PPP2R2C: variants seen among roughly 807,000 people sequenced by gnomAD.
PPP2R2C encodes protein phosphatase 2 regulatory subunit Bgamma.
PPP2R2C carries 10 observed loss-of-function variants against 45.3 expected under a neutral mutation model. That is an observed-to-expected ratio of 0.22 (90% CI 0.14 to 0.37). The LOEUF (loss-of-function observed/expected upper bound fraction) is 0.37, where lower values mean the gene tolerates loss of function less well. Among genes scored for constraint, PPP2R2C ranks in the 10% least tolerant of loss-of-function variants. PPP2R2C has a pLI of 1.00. For missense variants in PPP2R2C, 308 were observed against 619.7 expected (o/e 0.50, Z 5.34); for synonymous variants, 257 against 245.4 (o/e 1.05, Z -0.44).
chr4:6,354,102 G>T (rs899870154), intron 5 of PPP2R2C, among the ~76,000 whole-genome samples: 1 of 150,408 alleles, frequency 6.6e-6, no homozygotes, highest in African/African-American at 2.5e-5. Flanking sequence ...AACCCCTTGC[G>T]CTCTGCCCCT....
chr4:6,323,651 T>G, intron 8 of PPP2R2C, 58 bp from the exon 9 acceptor site: 8 of 1,439,616 alleles, frequency 5.6e-6, no homozygotes, highest in Non-Finnish European at 6.4e-6. Flanking sequence ...TCTCGAGAAA[T>G]AAGCCCAGGT....
intron 2 of PPP2R2C, among the ~76,000 whole-genome samples, chr4:6,512,146 G>A (rs1485475647): frequency 6.8e-5 from 5 of 73,402 alleles, no homozygotes; most frequent in Non-Finnish European, 1.3e-4. Flanking sequence ...GATTATGGTG[G>A]TAGTGGTGAT....
intron 1 of PPP2R2C, among the ~76,000 whole-genome samples, chr4:6,469,725 T>C (rs1467250900): frequency 6.6e-6 from 1 of 152,226 alleles, no homozygotes; most frequent in Non-Finnish European, 1.5e-5. Context: ...ATGATTCAAG[T>C]CTGACATTCT....
At chr4:6,411,857 C>A (rs1204719350) in intron 1 of PPP2R2C, among the ~76,000 whole-genome samples, 1 of 152,252 alleles carries the variant, frequency 6.6e-6, no homozygotes, top group African/African-American at 2.4e-5. Flanking sequence ...CGGCCTCCAC[C>A]CTGACTTTTC....
chr4:6,494,945 A>T (rs187983981), intron 2 of PPP2R2C, among the ~76,000 whole-genome samples: 40 of 152,318 alleles, frequency 2.6e-4, no homozygotes, highest in Admixed American at 2.1e-3. Flanking sequence ...TGGCCCAGGA[A>T]CATACTGTTG....
chr4:6,474,365 G>T (rs1722061731), upstream of PPP2R2C, among the ~76,000 whole-genome samples: 2 of 152,208 alleles, frequency 1.3e-5, no homozygotes, highest in Admixed American at 1.3e-4. Flanking sequence ...TGTGATGGCA[G>T]GAGTGGCCCC....
chr4:6,361,150 C>G (rs147610061), intron 5 of PPP2R2C, among the ~76,000 whole-genome samples: 4 of 152,276 alleles, frequency 2.6e-5, no homozygotes, highest in African/African-American at 9.6e-5. Flanking sequence ...TTTCCTTCTC[C>G]ACTCGGAACA....
chr4:6,376,776 T>C (rs1251827868), intron 3 of PPP2R2C, among the ~76,000 whole-genome samples: 1 of 152,170 alleles, frequency 6.6e-6, no homozygotes, highest in African/African-American at 2.4e-5. Context: ...TTAAATATTT[T>C]CAAAAGGAGC....
chr4:6,450,495 C>T (rs1403433329), intron 1 of PPP2R2C, among the ~76,000 whole-genome samples: 1 of 152,124 alleles, frequency 6.6e-6, no homozygotes, highest in Non-Finnish European at 1.5e-5. Context: ...GGAAGATGAG[C>T]CGCATGGTGG....
chr4:6,523,655 G>C, intron 2 of PPP2R2C: 1 of 152,190 alleles, frequency 6.6e-6, no homozygotes, highest in East Asian at 1.9e-4. Context: ...AAAAAGCTTG[G>C]TACCGCCGCA....
chr4:6,458,153 TTTCACATCTC>T (rs1721138039), intron 1 of PPP2R2C, among the ~76,000 whole-genome samples: 2 of 152,356 alleles, frequency 1.3e-5, no homozygotes, highest in Admixed American at 1.3e-4. Context: ...CATTAACATC[TTTCACATCTC>T]TGCTGAGCAT....
chr4:6,382,223 G>C (rs1281392594), intron 1 of PPP2R2C: 2 of 1,206,864 alleles, frequency 1.7e-6, no homozygotes, highest in Non-Finnish European at 2.1e-6. Flanking sequence ...AGCAGCAAAA[G>C]CTAGTAGGAG....
At chr4:6,409,345 T>C (rs1217732660) in intron 1 of PPP2R2C, among the ~76,000 whole-genome samples, 1 of 152,216 alleles carries the variant, frequency 6.6e-6, no homozygotes, top group Non-Finnish European at 1.5e-5. Context: ...AGAGTGCAGC[T>C]GACTCCCAGG....
At chr4:6,554,758 G>A (rs1019175122) in intron 1 of PPP2R2C, among the ~76,000 whole-genome samples, 9 of 151,598 alleles carry the variant, frequency 5.9e-5, no homozygotes, top group Admixed American at 5.3e-4. Context: ...TACTGAGGAA[G>A]CTGAGGCACG....
At chr4:6,511,761 G>A (rs62644670) in intron 2 of PPP2R2C, among the ~76,000 whole-genome samples, 12,002 of 32,824 alleles carry the variant, frequency 0.37, 3,616 homozygotes, top group East Asian at 0.64. Flanking sequence ...CAATGGTGGT[G>A]GTGATGGTGA....
At chr4:6,548,511 A>G (rs1176967422) in intron 1 of PPP2R2C, among the ~76,000 whole-genome samples, 2 of 152,200 alleles carry the variant, frequency 1.3e-5, no homozygotes, top group African/African-American at 2.4e-5. Flanking sequence ...ACAGCCCTGT[A>G]TTTGGATGCT....
chr4:6,382,352 C>A (rs1715865628), intron 1 of PPP2R2C: 9 of 1,322,620 alleles, frequency 6.8e-6, no homozygotes, highest in Non-Finnish European at 7.9e-6. Flanking sequence ...ACTTTCAAAC[C>A]AGCCACAGAT....
chr4:6,542,709 A>AAAAG (rs1553908405), intron 1 of PPP2R2C, among the ~76,000 whole-genome samples: 1 of 127,836 alleles, frequency 7.8e-6, no homozygotes, highest in Non-Finnish European at 1.6e-5. Context: ...TCTCAAAAAA[A>AAAAG]AAAAAGAAAA....
chr4:6,511,328 TAGTGAC>T, intron 2 of PPP2R2C, among the ~76,000 whole-genome samples: 1 of 151,860 alleles, frequency 6.6e-6, no homozygotes, highest in East Asian at 1.9e-4. Flanking sequence ...GTGGTGATGA[TAGTGAC>T]AGTATTGATA....
Sources: allele counts gnomAD v4.1 joint callset (sites outside exome capture counted in the v4.1 genomes callset), GRCh38; gene constraint gnomAD v4.1.1; transcripts MANE v1.5; gene names NCBI Gene and HGNC (gene_info 2026-07-23, HGNC 2026-07-21).